Variants in NRXN1 observed in about 807,000 individuals in gnomAD.
NRXN1 encodes neurexin 1.
A neutral mutation model predicts 150.9 loss-of-function variants in NRXN1; 39 were observed. The ratio of observed to expected loss-of-function variants is 0.26; its 90% CI spans 0.20 to 0.34. The LOEUF is 0.34. NRXN1 is among the 10% of genes least tolerant of loss of function. The probability of loss-of-function intolerance (pLI) is 1.00; values close to 1 mark genes in which losing one functional copy is unlikely to be tolerated. For synonymous variants in NRXN1, 924 were observed against 757.0 expected, an observed-to-expected ratio of 1.22 and a Z score of -3.62; for missense variants, 1,815 against 1,949.9, an observed-to-expected ratio of 0.93 and a Z score of 1.30.
intron 5 of NRXN1, among the ~76,000 whole-genome samples, chr2:50,868,445 A>C (rs1045199869): frequency 3.3e-4 from 50 of 151,304 alleles, no homozygotes; most frequent in Admixed American, 2.6e-4. Flanking sequence ...AACTTACTTA[A>C]ATGGGTACAG....
intron 1 of NRXN1, 96 bp downstream of exon 1, chr2:51,031,885 G>C (rs1255576420): frequency 6.6e-6 from 1 of 151,988 alleles, no homozygotes; most frequent in African/African-American, 2.4e-5. Context: ...CTGTGTATTT[G>C]TGGCAGATCC....
chr2:50,442,138 T>G (rs1004496509), intron 17 of NRXN1, among the ~76,000 whole-genome samples: 19 of 152,138 alleles, frequency 1.2e-4, no homozygotes. Context: ...GGCTCAAATC[T>G]CAGCTCTGCT....
At position 50,465,560 on chromosome 2, in the gene NRXN1, C is replaced by T. The variant is rs775610087; in HGVS notation, c.3246G>A (p.Gly1082=). 1.2e-6 allele frequency: 2 copies of T among 1,604,098 alleles called. No homozygotes were observed. The highest frequency in any genetic ancestry group is 1.1e-5 in the South Asian group (1 of 89,520). The change falls in exon 17 of 23, where the codon GGG becomes GGA. Residue 1082 remains glycine, a splice_region_variant and synonymous_variant. Coordinates refer to ENST00000401669, the MANE Select transcript of NRXN1 (RefSeq NM_001330078.2). ...AGTCCTCTTGGCAGGTTGTGCTGGG[C>T]CCTGCAAAACAATCCAAAGGAAACT... The part of the protein sequence containing the change: ...CNGQIERGCE[G]PSTTCQEDSC...
chr2:50,742,951 T>C (rs1397460051), intron 5 of NRXN1, among the ~76,000 whole-genome samples: 3 of 152,154 alleles, frequency 2.0e-5, no homozygotes, highest in Admixed American at 6.6e-5. Context: ...TGGCATAGAC[T>C]GAACAAGTGA....
chr2:50,972,770 C>T (rs1041911208), intron 2 of NRXN1, among the ~76,000 whole-genome samples: 4 of 152,074 alleles, frequency 2.6e-5, no homozygotes, highest in Admixed American at 2.6e-4. Flanking sequence ...CAATCTAATG[C>T]TGCCACTGAT....
rs572758147 is a variant in NRXN1, at chr2:50,829,999, G to GAAAA, written c.832+91866_832+91869dup. 8.0e-3 allele frequency among the ~76,000 whole-genome samples: 465 copies of GAAAA among 58,150 alleles called. 22 individuals carry two copies. Among genetic ancestry groups the GAAAA allele is most frequent in the Non-Finnish European group, 9.7e-3 (368 of 37,816 alleles). The allele number at this position is 58,150 out of a possible 152,430, so 38.1% of individuals were successfully genotyped here. The stretch of plus-strand genomic sequence containing the variant: ...GGAACCCAAAGAATACTGCCTGCTG[G>GAAAA]AAAAAAAAAAAAAAAAAAAAAAAAA... On this transcript the variant is annotated intron_variant, in intron 5 of 22. Coordinates refer to ENST00000401669, the MANE Select transcript of NRXN1 (RefSeq NM_001330078.2).
intron 5 of NRXN1, among the ~76,000 whole-genome samples, chr2:50,668,839 G>T (rs1434339511): frequency 1.3e-5 from 2 of 151,898 alleles, no homozygotes; most frequent in South Asian, 2.1e-4. Flanking sequence ...ATAATCAAAG[G>T]TTATGATTAT....
intron 19 of NRXN1, among the ~76,000 whole-genome samples, chr2:50,082,209 C>T (rs1457081524): frequency 2.0e-5 from 3 of 152,178 alleles, no homozygotes; most frequent in Non-Finnish European, 4.4e-5. Flanking sequence ...GATTCATTAA[C>T]CTGATTACCC....
At chr2:50,409,910 A>G (rs753493854) in intron 17 of NRXN1, among the ~76,000 whole-genome samples, 2 of 152,118 alleles carry the variant, frequency 1.3e-5, no homozygotes, top group Non-Finnish European at 2.9e-5. Context: ...TCGTTCCTTC[A>G]TTAGTTACAG....
At chr2:50,874,809 C>T (rs1477796951) in intron 5 of NRXN1, among the ~76,000 whole-genome samples, 1 of 151,720 alleles carries the variant, frequency 6.6e-6, no homozygotes, top group Non-Finnish European at 1.5e-5. Context: ...TTCTTTGGTC[C>T]ATTAAGTAGG....
chr2:50,742,530 C>A (rs1699549710), intron 5 of NRXN1, among the ~76,000 whole-genome samples: 1 of 150,996 alleles, frequency 6.6e-6, no homozygotes, highest in African/African-American at 2.4e-5. Flanking sequence ...ATCGTTTGAG[C>A]CCGGGAGGCG....
In NRXN1 at chr2:50,512,664, T is replaced by C. The variant is rs1573338621; in HGVS notation, c.2375-6047A>G. 4.6e-5 allele frequency among the ~76,000 whole-genome samples: 7 copies of C among 152,320 alleles called. 1 individual carries two copies. The highest frequency in any genetic ancestry group is 4.6e-4 in the Admixed American group (7 of 15,296). On this transcript the variant is annotated intron_variant, in intron 12 of 22. Transcript: ENST00000401669. The stretch of plus-strand genomic sequence containing the variant: ...AACTAATGCCTGGGTCTTGAACTTA[T>C]TTAGGACCTAACATGCATTACCTAA...
chr2:50,045,459 C>T (rs1355331448), intron 21 of NRXN1, among the ~76,000 whole-genome samples: 1 of 152,122 alleles, frequency 6.6e-6, no homozygotes, highest in African/African-American at 2.4e-5. Flanking sequence ...ATCCTTCTGC[C>T]TCAGCCTCCC....
chr2:51,003,354 A>G (rs1437994063), intron 2 of NRXN1, among the ~76,000 whole-genome samples: 1 of 151,968 alleles, frequency 6.6e-6, no homozygotes, highest in Non-Finnish European at 1.5e-5. Context: ...CATTGAGAGC[A>G]TTGTTTCAGG....
At chr2:50,144,067 T>A (rs1469032318) in intron 18 of NRXN1, among the ~76,000 whole-genome samples, 1 of 151,926 alleles carries the variant, frequency 6.6e-6, no homozygotes, top group Non-Finnish European at 1.5e-5. Context: ...AATAAATTAT[T>A]CACTATCATC....
chr2:50,650,929 C>T (rs10185721), intron 5 of NRXN1, among the ~76,000 whole-genome samples: 6,771 of 152,054 alleles, frequency 0.045, 254 homozygotes, highest in East Asian at 0.11. Flanking sequence ...TTAGCTAACA[C>T]TTTGGAATTA....
intron 8 of NRXN1, among the ~76,000 whole-genome samples, chr2:50,588,431 A>T (rs1217215354): frequency 6.6e-6 from 1 of 152,146 alleles, no homozygotes; most frequent in Non-Finnish European, 1.5e-5. Flanking sequence ...TGTAGAACAT[A>T]TACAGTGTGT....
chr2:50,322,282 A>C (rs1008410386), intron 17 of NRXN1, among the ~76,000 whole-genome samples: 11 of 152,224 alleles, frequency 7.2e-5, no homozygotes, highest in Non-Finnish European at 1.6e-4. Context: ...AACAACAAAA[A>C]CCCAGAAACC....
chr2:50,015,710 C>T (rs1686478523), intron 21 of NRXN1, among the ~76,000 whole-genome samples: 1 of 151,996 alleles, frequency 6.6e-6, no homozygotes, highest in Admixed American at 6.6e-5. Context: ...CCTTAAACCA[C>T]TGAACATCAT....
Sources: allele counts gnomAD v4.1 joint callset (sites outside exome capture counted in the v4.1 genomes callset), GRCh38; gene constraint gnomAD v4.1.1; transcripts MANE v1.5; gene names NCBI Gene and HGNC (gene_info 2026-07-23, HGNC 2026-07-21).